OR9Q1: variants seen among roughly 807,000 people sequenced by gnomAD.
The protein encoded by OR9Q1 is olfactory receptor 9Q1.
For synonymous variants in OR9Q1, 153 were observed against 148.6 expected, an observed-to-expected ratio of 1.03 and a Z score of -0.22; for missense variants, 374 against 378.8, an observed-to-expected ratio of 0.99 and a Z score of 0.11.
intron 2 of OR9Q1, among the ~76,000 whole-genome samples, chr11:58,091,949 A>C (rs1366101709): frequency 6.7e-6 from 1 of 148,830 alleles, no homozygotes; most frequent in African/African-American, 2.5e-5. Flanking sequence ...TCTATCAGAG[A>C]CTAGGATTGC....
At position 58,048,679 on chromosome 11, in the gene OR9Q1, A is replaced by AAAAATATATAT. The variant is rs745596668; in HGVS notation, c.-92-7190_-92-7189insAAATATATATA. Reference sequence around the variant, plus strand: ...GCAAGGACTCCATCTTAAAAAAAAAAATATATATATATATATTTTTTAGCA... The same window carrying AAAAATATATAT: ...GCAAGGACTCCATCTTAAAAAAAAAAAAAATATATATATATATATATATATATTTTTTAGCA... On this transcript the variant is annotated intron_variant, in intron 1 of 2. Transcript: ENST00000335397. Among the ~76,000 whole-genome samples the AAAAATATATAT allele has an allele frequency of 6.4e-3, 840 of 131,302 alleles. 12 individuals carry two copies. Among genetic ancestry groups the AAAAATATATAT allele is most frequent in the East Asian group, 0.044 (167 of 3,818 alleles). The allele number at this position is 131,302 out of a possible 152,430, so 86.1% of individuals were successfully genotyped here. A position where few individuals can be genotyped will look rare whatever the true frequency, so the allele number is the denominator to read the frequency against.
At chr11:58,060,687 AAGT>A (rs1431040628) in intron 2 of OR9Q1, among the ~76,000 whole-genome samples, 2 of 152,188 alleles carry the variant, frequency 1.3e-5, no homozygotes, top group African/African-American at 4.8e-5. Context: ...AAAGTACAAA[AAGT>A]AGGGGGGTGT....
chr11:58,176,643 T>C (rs915431677), intron 2 of OR9Q1, among the ~76,000 whole-genome samples: 3 of 152,156 alleles, frequency 2.0e-5, no homozygotes, highest in African/African-American at 7.2e-5. Context: ...AAGAAGTGGC[T>C]AGAAGGATCT....
chr11:58,088,964 C>T (rs549756704), intron 2 of OR9Q1, among the ~76,000 whole-genome samples: 29 of 151,738 alleles, frequency 1.9e-4, no homozygotes, highest in Non-Finnish European at 4.0e-4. Context: ...GCAACCTCCA[C>T]CTCATGGGTT....
intron 1 of OR9Q1, 74 bp downstream of exon 1, chr11:58,024,178 G>A (rs958058778): frequency 2.6e-5 from 4 of 152,510 alleles, no homozygotes; most frequent in African/African-American, 9.6e-5. Flanking sequence ...ATGTTGGAAA[G>A]TGAGATGTGC....
intron 1 of OR9Q1, among the ~76,000 whole-genome samples, chr11:58,038,735 C>G (rs1043763473): frequency 2.0e-5 from 3 of 152,216 alleles, no homozygotes; most frequent in African/African-American, 7.2e-5. Flanking sequence ...TGGTATAACT[C>G]TCCTTCACTG....
intron 2 of OR9Q1, among the ~76,000 whole-genome samples, chr11:58,112,897 T>TG (rs1227443663): frequency 1.3e-5 from 2 of 152,098 alleles, no homozygotes; most frequent in Non-Finnish European, 2.9e-5. Context: ...CCTGACACAC[T>TG]GGTAGTGGTG....
intron 2 of OR9Q1, among the ~76,000 whole-genome samples, chr11:58,177,123 A>G (rs1360168533): frequency 1.3e-5 from 2 of 152,194 alleles, no homozygotes; most frequent in African/African-American, 2.4e-5. Flanking sequence ...AGGTGATCCA[A>G]TGTCCTTTCT....
chr11:58,115,465 A>G (rs1853943765), intron 2 of OR9Q1, among the ~76,000 whole-genome samples: 2 of 152,214 alleles, frequency 1.3e-5, no homozygotes, highest in African/African-American at 2.4e-5. Context: ...ATGCATACAT[A>G]TATCAAAGCA....
intron 1 of OR9Q1, chr11:58,030,929 T>C: frequency 6.9e-7 from 1 of 1,448,098 alleles, no homozygotes; most frequent in Non-Finnish European, 9.7e-7. Flanking sequence ...AGGCTATGAG[T>C]TTGCTGAGCT....
At chr11:58,162,433 C>A (rs997221245) in intron 2 of OR9Q1, among the ~76,000 whole-genome samples, 3 of 152,042 alleles carry the variant, frequency 2.0e-5, no homozygotes, top group Admixed American at 2.0e-4. Context: ...TGTTTCAGAG[C>A]GAGGAATAGG....
At chr11:58,167,510 T>C (rs935082344) in intron 2 of OR9Q1, among the ~76,000 whole-genome samples, 1 of 152,208 alleles carries the variant, frequency 6.6e-6, no homozygotes. Context: ...CAGTCATCTA[T>C]TGCCATATTA....
intron 2 of OR9Q1, among the ~76,000 whole-genome samples, chr11:58,127,891 T>C (rs2119833533): frequency 6.6e-6 from 1 of 152,340 alleles, no homozygotes; most frequent in South Asian, 2.1e-4. Context: ...TGAGGATATT[T>C]GAATTTCTGA....
chr11:58,035,726 A>C (rs995738153), intron 1 of OR9Q1, among the ~76,000 whole-genome samples: 1 of 152,180 alleles, frequency 6.6e-6, no homozygotes, highest in African/African-American at 2.4e-5. Context: ...CATTTTCCAA[A>C]GTTAACAGGA....
chr11:58,096,516 T>C (rs1431152435), intron 2 of OR9Q1, among the ~76,000 whole-genome samples: 1 of 152,066 alleles, frequency 6.6e-6, no homozygotes, highest in Non-Finnish European at 1.5e-5. Context: ...TGGTAATATA[T>C]AATGTTTTAA....
At chr11:58,090,197 G>A (rs1345556050) in intron 2 of OR9Q1, among the ~76,000 whole-genome samples, 1 of 152,198 alleles carries the variant, frequency 6.6e-6, no homozygotes, top group South Asian at 2.1e-4. Flanking sequence ...AATAGGAGTG[G>A]TGAGAGAGGG....
intron 2 of OR9Q1, among the ~76,000 whole-genome samples, chr11:58,127,032 C>T (rs184139147): frequency 6.0e-4 from 91 of 152,326 alleles, no homozygotes; most frequent in Non-Finnish European, 5.4e-4. Context: ...CTCACTGCAA[C>T]TCCACTTCCC....
At chr11:58,027,150 T>G (rs1409301112) in intron 1 of OR9Q1, among the ~76,000 whole-genome samples, 1 of 152,218 alleles carries the variant, frequency 6.6e-6, no homozygotes, top group Non-Finnish European at 1.5e-5. Flanking sequence ...TGGGCTTCTG[T>G]GCAGGTGCAA....
intron 2 of OR9Q1, among the ~76,000 whole-genome samples, chr11:58,175,188 G>T (rs552857877): frequency 2.0e-5 from 3 of 151,830 alleles, no homozygotes; most frequent in Non-Finnish European, 4.4e-5. Flanking sequence ...AGTGGATTGG[G>T]TAGGATAGGG....
Sources: gnomAD v4.1 joint callset for allele counts (sites outside exome capture counted in the v4.1 genomes callset) on GRCh38, gnomAD v4.1.1 for gene constraint, MANE v1.5 for transcripts, NCBI Gene and HGNC (gene_info 2026-07-23, HGNC 2026-07-21) for gene names.